Variants in ASIC2 observed in about 807,000 individuals in gnomAD.
ASIC2 encodes acid sensing ion channel subunit 2.
In ASIC2, 25 loss-of-function variants were observed where a neutral mutation model predicts 57.3. That is an observed-to-expected ratio of 0.44 (90% CI 0.32 to 0.61). The LOEUF (loss-of-function observed/expected upper bound fraction) is 0.61, where lower values mean the gene tolerates loss of function less well. ASIC2 is among the 20% of genes least tolerant of loss of function. The pLI, the probability that ASIC2 is intolerant of heterozygous loss-of-function variation, is 0.06. For missense variants in ASIC2, 641 were observed against 738.1 expected, an observed-to-expected ratio of 0.87 and a Z score of 1.52; for synonymous variants, 319 against 307.5, an observed-to-expected ratio of 1.04 and a Z score of -0.39.
At chr17:33,593,243 C>G (rs1356612663) in intron 1 of ASIC2, among the ~76,000 whole-genome samples, 1 of 152,190 alleles carries the variant, frequency 6.6e-6, no homozygotes, top group Admixed American at 6.5e-5. Flanking sequence ...CATGGAACAT[C>G]TGGCTGATAA....
chr17:33,017,555 T>G (rs754239246), intron 8 of ASIC2, 50 bp downstream of exon 8: 1 of 1,510,334 alleles, frequency 6.6e-7, no homozygotes, highest in East Asian at 2.3e-5. Flanking sequence ...TGGGGCACGA[T>G]GAGGGCACCA....
chr17:33,264,866 A>G (rs2142149398), intron 1 of ASIC2, among the ~76,000 whole-genome samples: 1 of 152,392 alleles, frequency 6.6e-6, no homozygotes, highest in African/African-American at 2.4e-5. Flanking sequence ...GGGAAAAAGT[A>G]TGAACTGAAT....
chr17:33,321,578 T>A (rs1187338778), intron 1 of ASIC2, among the ~76,000 whole-genome samples: 1 of 152,202 alleles, frequency 6.6e-6, no homozygotes, highest in South Asian at 2.1e-4. Flanking sequence ...AGATTAAAGA[T>A]TATATTTCTA....
intron 1 of ASIC2, among the ~76,000 whole-genome samples, chr17:33,425,473 G>T (rs1911186500): frequency 6.6e-6 from 1 of 152,218 alleles, no homozygotes; most frequent in South Asian, 2.1e-4. Context: ...AAAATAACAT[G>T]ATTAGAAAGC....
intron 1 of ASIC2, among the ~76,000 whole-genome samples, chr17:33,304,652 T>G (rs1291674798): frequency 6.6e-6 from 1 of 152,192 alleles, no homozygotes; most frequent in African/African-American, 2.4e-5. Flanking sequence ...CCCTGCCTTA[T>G]GAAGCTGTAC....
intron 1 of ASIC2, among the ~76,000 whole-genome samples, chr17:34,152,619 G>C (rs1463428806): frequency 6.6e-6 from 1 of 152,200 alleles, no homozygotes; most frequent in Non-Finnish European, 1.5e-5. Flanking sequence ...CATCTTTGTA[G>C]CTGGCACAGT....
intron 3 of ASIC2, among the ~76,000 whole-genome samples, chr17:33,061,574 C>T (rs1490623156): frequency 1.3e-5 from 2 of 152,136 alleles, no homozygotes; most frequent in Non-Finnish European, 2.9e-5. Context: ...CAGTATTTTA[C>T]TGAGGATTTT....
At chr17:33,397,458 A>G (rs1024106620) in intron 1 of ASIC2, among the ~76,000 whole-genome samples, 2 of 152,244 alleles carry the variant, frequency 1.3e-5, no homozygotes, top group Non-Finnish European at 1.5e-5. Context: ...GCAGGTGCTC[A>G]GTAAATGACA....
intron 1 of ASIC2, among the ~76,000 whole-genome samples, chr17:33,948,296 G>A (rs1904447851): frequency 6.6e-6 from 1 of 152,192 alleles, no homozygotes; most frequent in Admixed American, 6.5e-5. Context: ...GCCTCACTCG[G>A]CACCACAGAG....
At chr17:34,049,328 T>C (rs1193852483) in intron 1 of ASIC2, among the ~76,000 whole-genome samples, 3 of 152,050 alleles carry the variant, frequency 2.0e-5, no homozygotes, top group African/African-American at 7.2e-5. Context: ...AAATATGTTG[T>C]AGGCAATAGT....
At chr17:33,628,255 C>G (rs1385684368) in intron 1 of ASIC2, among the ~76,000 whole-genome samples, 1 of 151,826 alleles carries the variant, frequency 6.6e-6, no homozygotes, top group East Asian at 1.9e-4. Context: ...GTTGGAAAAT[C>G]AGAAAGTAAT....
At position 33,933,999 on chromosome 17, in the gene ASIC2, T is replaced by G. The variant is rs1467460575; in HGVS notation, c.555+221979A>C. On this transcript the variant is annotated intron_variant, in intron 1 of 9. Coordinates refer to the ASIC2 transcript ENST00000359872. ...TAATCAACAGAACGTATTTGATTCT[T>G]TCGGGTCAGCAGCGACTTTCTTGTA... Among the ~76,000 whole-genome samples the G allele has an allele frequency of 3.3e-5, 5 of 152,220 alleles. No homozygotes were observed. In the East Asian group the frequency reaches 9.6e-4, roughly 29 times the overall value.
chr17:33,311,021 C>G (rs886516428), intron 1 of ASIC2, among the ~76,000 whole-genome samples: 4 of 152,114 alleles, frequency 2.6e-5, no homozygotes, highest in Non-Finnish European at 5.9e-5. Flanking sequence ...TGCCAGAGCC[C>G]CTCTGGGTTC....
chr17:34,010,134 AG>A (rs1906661233), intron 1 of ASIC2, among the ~76,000 whole-genome samples: 1 of 152,192 alleles, frequency 6.6e-6, no homozygotes, highest in African/African-American at 2.4e-5. Context: ...GCTGGTGGGC[AG>A]GGGTGAGTCA....
intron 1 of ASIC2, among the ~76,000 whole-genome samples, chr17:33,299,451 C>T (rs578080151): frequency 7.2e-5 from 11 of 152,326 alleles, no homozygotes; most frequent in African/African-American, 2.6e-4. Context: ...CCCTTCCCTT[C>T]CTTCCACCAT....
intron 1 of ASIC2, among the ~76,000 whole-genome samples, chr17:33,542,773 G>A (rs1292002774): frequency 7.3e-6 from 1 of 136,888 alleles, no homozygotes; most frequent in South Asian, 2.7e-4. Context: ...TGTCAATTTT[G>A]TCTTTTGTTG....
At chr17:33,149,023 G>C (rs1904676829) in intron 1 of ASIC2, among the ~76,000 whole-genome samples, 1 of 152,166 alleles carries the variant, frequency 6.6e-6, no homozygotes, top group Non-Finnish European at 1.5e-5. Context: ...GAATTCAGGA[G>C]GTGGAGGTTG....
At chr17:33,949,941 T>C (rs527500136) in intron 1 of ASIC2, among the ~76,000 whole-genome samples, 1 of 152,236 alleles carries the variant, frequency 6.6e-6, no homozygotes, top group South Asian at 2.1e-4. Flanking sequence ...CAAATCAGAG[T>C]GTCCACTTTC....
At chr17:33,825,327 T>C (rs958123776) in intron 1 of ASIC2, among the ~76,000 whole-genome samples, 1 of 152,060 alleles carries the variant, frequency 6.6e-6, no homozygotes, top group Non-Finnish European at 1.5e-5. Context: ...AATTTGGCGG[T>C]GGGGTGCTAC....
Sources: gnomAD v4.1 joint callset for allele counts (sites outside exome capture counted in the v4.1 genomes callset) on GRCh38, gnomAD v4.1.1 for gene constraint, MANE v1.5 for transcripts, NCBI Gene and HGNC (gene_info 2026-07-23, HGNC 2026-07-21) for gene names.